Variants in NCOA6 observed in about 807,000 individuals in gnomAD.
NCOA6 encodes the protein NRC RAP250.
In NCOA6, 49 loss-of-function variants were observed where a neutral mutation model predicts 171.4. That is an observed-to-expected ratio of 0.29 (90% CI 0.23 to 0.36). NCOA6 has a LOEUF of 0.36. NCOA6 is among the 10% of genes least tolerant of loss of function. The pLI is 1.00. For missense variants in NCOA6, 2,248 were observed against 2,554.5 expected, an observed-to-expected ratio of 0.88 and a Z score of 2.59; for synonymous variants, 910 against 927.5, an observed-to-expected ratio of 0.98 and a Z score of 0.34.
chr20:34,760,426 C>G (rs1409401112), intron 5 of NCOA6, among the ~76,000 whole-genome samples: 1 of 152,158 alleles, frequency 6.6e-6, no homozygotes, highest in African/African-American at 2.4e-5. Flanking sequence ...ATGAAAAATT[C>G]TAAAAAGAAA....
At chr20:34,775,244 T>C (rs1177200054) in intron 4 of NCOA6, among the ~76,000 whole-genome samples, 2 of 152,110 alleles carry the variant, frequency 1.3e-5, no homozygotes, top group African/African-American at 2.4e-5. Context: ...GTCTTCATTC[T>C]TTGAATAATA....
intron 2 of NCOA6, among the ~76,000 whole-genome samples, chr20:34,787,526 TAA>T (rs201010544): frequency 1.1e-4 from 15 of 138,412 alleles, no homozygotes; most frequent in South Asian, 2.3e-4. Flanking sequence ...TTCCCGCTCT[TAA>T]AAAAAAAAAA....
chr20:34,758,772 GA>G, intron 6 of NCOA6, 32 bp downstream of exon 6: 1 of 1,607,056 alleles, frequency 6.2e-7, no homozygotes, highest in Non-Finnish European at 8.5e-7. Flanking sequence ...GAAAGTTTCA[GA>G]CTCTTCATCC....
chr20:34,763,184 T>C (rs4417778), intron 5 of NCOA6, among the ~76,000 whole-genome samples: 128,279 of 152,180 alleles, frequency 0.84, 54,262 homozygotes, highest in Admixed American at 0.91. Flanking sequence ...TAGCCATTCT[T>C]TCTTTGACTG....
intron 5 of NCOA6, among the ~76,000 whole-genome samples, chr20:34,764,086 A>AT (rs11475245): frequency 1.3e-4 from 17 of 132,008 alleles, no homozygotes; most frequent in East Asian, 1.1e-3. Flanking sequence ...GCCCAGCTAC[A>AT]TTTTTTTTTT....
Position 34,727,389 on chromosome 20 carries a change from T to C in NCOA6, c.6018A>G (p.Ile2006Met). 2 of 1,613,870 alleles carry C rather than the reference T, an allele frequency of 1.2e-6. No homozygotes were observed. Among genetic ancestry groups the C allele is most frequent in the Non-Finnish European group, 1.7e-6 (2 of 1,180,038 alleles). The stretch of plus-strand genomic sequence containing the variant: ...GGCCTGGGATTTTGGACTTTTCAAC[T>C]ATCTCTTTGGGCTCACTGCTGACAG... Reference protein sequence around the residue: ...VSGQSSEPKEIVEKSKIPGRR... With the variant: ...VSGQSSEPKEMVEKSKIPGRR... The change falls in exon 14 of 15, where the codon ATA becomes ATG. Residue 2006 changes from isoleucine (I) to methionine (M), a missense_variant. Physicochemically the swap from Ile to Met is conservative, Grantham distance 10. Around this residue, in one of 7 missense-constraint regions of NCOA6, gnomAD observed 884 missense variants for 941.9 expected, o/e 0.94. Transcript: ENST00000359003.
intron 1 of NCOA6, chr20:34,819,714 CAGT>C (rs1432356971): frequency 1.3e-5 from 2 of 152,188 alleles, no homozygotes; most frequent in Non-Finnish European, 2.9e-5. Flanking sequence ...CAGAAATGAA[CAGT>C]AGTGCTAAAG....
chr20:34,811,211 A>G (rs1311105086), intron 1 of NCOA6, among the ~76,000 whole-genome samples: 2 of 127,864 alleles, frequency 1.6e-5, no homozygotes, highest in South Asian at 2.6e-4. Context: ...GTATATATAT[A>G]TATATATATA....
At chr20:34,715,774 CA>C (rs199748719) in intron 14 of NCOA6, among the ~76,000 whole-genome samples, 2 of 149,962 alleles carry the variant, frequency 1.3e-5, no homozygotes, top group South Asian at 2.1e-4. Flanking sequence ...TGTTAGAATG[CA>C]AAAAAAAACC....
intron 14 of NCOA6, among the ~76,000 whole-genome samples, chr20:34,723,197 G>A (rs1989582741): frequency 6.6e-6 from 1 of 152,152 alleles, no homozygotes; most frequent in Admixed American, 6.6e-5. Flanking sequence ...ACCTGGCATT[G>A]GAAGTGGGCA....
At chr20:34,788,940 CA>C (rs2077775347) in intron 2 of NCOA6, among the ~76,000 whole-genome samples, 1 of 152,052 alleles carries the variant, frequency 6.6e-6, no homozygotes, top group Admixed American at 6.6e-5. Context: ...AACTCCGTCT[CA>C]AAAATAAATA....
At chr20:34,755,849 G>A (rs1242103844) in intron 7 of NCOA6, among the ~76,000 whole-genome samples, 2 of 152,064 alleles carry the variant, frequency 1.3e-5, no homozygotes, top group Admixed American at 6.5e-5. Flanking sequence ...AATCCTCCCT[G>A]CCTCAGCCTC....
rs1163348024 is a variant in NCOA6 at position 34,776,286 on chromosome 20, A to G, written c.391+7T>C. On this transcript the variant is annotated splice_region_variant and intron_variant, in intron 4 of 14. Coordinates refer to ENST00000359003, the MANE Select transcript of NCOA6 (RefSeq NM_014071.5). ...GGTCTAGATGGGCACATGGCAAAGTAAAAGACCTTCAATCTGAACGGAGAG... is the reference window on the plus strand; with the variant it reads ...GGTCTAGATGGGCACATGGCAAAGTGAAAGACCTTCAATCTGAACGGAGAG... 2 of 1,612,574 alleles carry G rather than the reference A, an allele frequency of 1.2e-6. No individual in the cohort carries two copies. Among genetic ancestry groups the G allele is most frequent in the African/African-American group, 1.3e-5 (1 of 74,816 alleles).
chr20:34,754,691 A>G, intron 8 of NCOA6, 31 bp downstream of exon 8: 1 of 1,613,838 alleles, frequency 6.2e-7, no homozygotes, highest in Non-Finnish European at 8.5e-7. Context: ...TGCTCAATAA[A>G]TGCTGGCTAA....
At chr20:34,722,628 C>T (rs576250159) in intron 14 of NCOA6, among the ~76,000 whole-genome samples, 155 of 146,558 alleles carry the variant, frequency 1.1e-3, no homozygotes, top group South Asian at 3.0e-3. Context: ...TACAGTGAGC[C>T]ATGATCATGC....
At chr20:34,765,221 G>A (rs1468511087) in intron 5 of NCOA6, among the ~76,000 whole-genome samples, 3 of 151,838 alleles carry the variant, frequency 2.0e-5, no homozygotes, top group African/African-American at 7.3e-5. Context: ...GGGAGGCCGA[G>A]ACAGGTGGAT....
At chr20:34,815,213 C>CA (rs1555859856) in intron 1 of NCOA6, among the ~76,000 whole-genome samples, 144 of 140,596 alleles carry the variant, frequency 1.0e-3, no homozygotes, top group Admixed American at 4.1e-3. Flanking sequence ...TTCTCTACCC[C>CA]AAAAAAAAAA....
rs2076185748 is a variant in NCOA6, at chr20:34,742,762, C to T, written c.3494G>A (p.Gly1165Glu). Reference sequence around the variant, plus strand: ...AAGGGGCGATGGTCCAGGTTTTGGCCCTGTCATCATTAACTGATTCTGGGG... The same window carrying T: ...AAGGGGCGATGGTCCAGGTTTTGGCTCTGTCATCATTAACTGATTCTGGGG... The part of the protein sequence containing the change: ...VLPQNQLMMT[G>E]PKPGPSPLSA... Residue 1165 changes from glycine (G) to glutamate (E), a missense_variant, in exon 11 of 15, where the codon GGG becomes GAG. By Grantham distance (98) the Gly-to-Glu change is moderately conservative (BLOSUM62 -2). Transcript: ENST00000359003. The T allele has an allele frequency of 6.2e-7, 1 of 1,613,956 alleles. No individual in the cohort carries two copies. The highest frequency in any genetic ancestry group is 1.1e-5 in the South Asian group (1 of 91,076).
In NCOA6 at chr20:34,768,342, A is replaced by G. The variant is rs147659808; in HGVS notation, c.514+122T>C. ...GAAGGACTCATGTCTAGCTTTCCTG[A>G]TTCAGCAAATAGAGATGTTAAGTAT... On this transcript the variant is annotated intron_variant, in intron 5 of 14. Transcript: ENST00000359003. 12 of 1,294,648 alleles carry G rather than the reference A, an allele frequency of 9.3e-6. No individual in the cohort carries two copies. The East Asian group carries it at 2.8e-4, about 31-fold the overall frequency. The allele number at this position is 1,294,648 out of a possible 1,614,324, so 80.2% of individuals were successfully genotyped here. A position where few individuals can be genotyped will look rare whatever the true frequency, so the allele number is the denominator to read the frequency against.
Sources: gnomAD v4.1 joint callset for allele counts (sites outside exome capture counted in the v4.1 genomes callset) on GRCh38, gnomAD v4.1.1 for gene constraint, gnomAD v4.1.1 regional missense constraint, MANE v1.5 for transcripts, NCBI Gene and HGNC (gene_info 2026-07-23, HGNC 2026-07-21) for gene names.